The following USF3 variants were observed in gnomAD, a reference collection of about 807,000 sequenced individuals.
USF3 encodes basic helix-loop-helix domain-containing protein USF3.
USF3 carries 29 observed loss-of-function variants against 157.5 expected under a neutral mutation model. That is an observed-to-expected ratio of 0.18 (90% CI 0.14 to 0.25). The LOEUF (loss-of-function observed/expected upper bound fraction) is 0.25. Among genes scored for constraint, USF3 ranks in the 10% least tolerant of loss-of-function variants. The pLI, the probability that USF3 is intolerant of heterozygous loss-of-function variation, is 1.00. For missense variants in USF3, 2,381 were observed against 2,667.6 expected (o/e 0.89, Z 2.37); for synonymous variants, 893 against 941.4 (o/e 0.95, Z 0.94).
In USF3 at chr3:113,658,582, C is replaced by A; in HGVS notation, c.3100G>T (p.Glu1034Ter). The A allele has an allele frequency of 6.2e-7, 1 of 1,613,420 alleles. No homozygotes were observed. Among genetic ancestry groups the A allele is most frequent in the Non-Finnish European group, 8.5e-7 (1 of 1,179,906 alleles). The change falls in exon 7 of 7, where the codon GAA (glutamate) becomes TAA (stop). Residue 1034 changes from glutamate (E) to a stop codon, truncating the protein, a stop_gained. Transcript: ENST00000316407. LOFTEE classifies it high-confidence loss of function. ...CTTGAATCAACTATTTTAGGATTTT[C>A]TGAAGAAAAGTCAGGATGATCCATC... ...DQMDHPDFSS[E>*]NPKIVDSSVN...
At chr3:113,685,112 G>C (rs552110862) in intron 1 of USF3, among the ~76,000 whole-genome samples, 2 of 152,288 alleles carry the variant, frequency 1.3e-5, no homozygotes, top group Non-Finnish European at 2.9e-5. Context: ...CTTTTGCAGA[G>C]GTACCACTTT....
intron 2 of USF3, among the ~76,000 whole-genome samples, chr3:113,676,944 T>A (rs1707295962): frequency 6.6e-6 from 1 of 152,194 alleles, no homozygotes; most frequent in African/African-American, 2.4e-5. Flanking sequence ...CAAGACCACG[T>A]TACCTAGTAG....
Position 113,656,743 on chromosome 3 carries a change from C to T in USF3, c.4939G>A (p.Val1647Met). Reference protein sequence around the residue: ...EQQMVSQPSIVTRSSDMTCTP... With the variant: ...EQQMVSQPSIMTRSSDMTCTP... Reference sequence around the variant, plus strand: ...CAGGTCATGTCTGAAGATCTAGTCACAATACTTGGTTGGGACACCATTTGC... The same window carrying T: ...CAGGTCATGTCTGAAGATCTAGTCATAATACTTGGTTGGGACACCATTTGC... The change falls in exon 7 of 7, where the codon GTG (valine) becomes ATG (methionine). Residue 1647 changes from valine (V) to methionine (M), a missense_variant. Val to Met is a conservative substitution (Grantham distance 21). Coordinates refer to ENST00000316407, the MANE Select transcript of USF3 (RefSeq NM_001009899.4). 6.2e-7 allele frequency: 1 copy of T among 1,614,182 alleles called. No homozygotes were observed. Among genetic ancestry groups the T allele is most frequent in the Admixed American group, 1.7e-5 (1 of 60,032 alleles).
intron 1 of USF3, among the ~76,000 whole-genome samples, chr3:113,690,509 AC>A (rs1415377263): frequency 6.6e-6 from 1 of 152,132 alleles, no homozygotes; most frequent in Non-Finnish European, 1.5e-5. Flanking sequence ...GGTCTCACCT[AC>A]CCCCTTCCAC....
Position 113,655,425 on chromosome 3 carries a change from T to G in USF3, c.6257A>C (p.Gln2086Pro). ...TCGAGTGGCACTAGGCTGAGTAACC[T>G]GTGGAATGAAAGAAGCATTAGCATT... ...PINANASFIPQVTQPSATRTP... is the reference protein window; with the variant it reads ...PINANASFIPPVTQPSATRTP... Residue 2086 changes from glutamine to proline, a missense_variant, in exon 7 of 7, where the codon CAG becomes CCG. Gln to Pro is a moderately conservative substitution (Grantham distance 76, BLOSUM62 -1). Transcript: ENST00000316407. 6.2e-7 allele frequency: 1 copy of G among 1,614,176 alleles called. No individual in the cohort carries two copies. Among genetic ancestry groups the G allele is most frequent in the Non-Finnish European group, 8.5e-7 (1 of 1,180,022 alleles).
chr3:113,659,408 T>C lies in USF3; in HGVS notation c.2274A>G (p.Ala758=). 1 of 1,614,220 alleles carries C rather than the reference T, an allele frequency of 6.2e-7. No individual in the cohort carries two copies. The highest frequency in any genetic ancestry group is 8.5e-7 in the Non-Finnish European group (1 of 1,180,036). ...ANCVSLTTTA[A]PPVTTDSSAT... ...CTGAACTATCTGTTGTCACAGGAGG[T>C]GCTGCAGTTGTTGTTAATGAAACAC... Residue 758 remains alanine, a synonymous_variant, in exon 7 of 7, where the codon GCA becomes GCG. Coordinates refer to ENST00000316407, the MANE Select transcript of USF3 (RefSeq NM_001009899.4).
chr3:113,672,001 G>A (rs1327877666), intron 4 of USF3, among the ~76,000 whole-genome samples: 1 of 151,574 alleles, frequency 6.6e-6, no homozygotes, highest in African/African-American at 2.4e-5. Flanking sequence ...GAACTCCTGG[G>A]CTCAAAATAT....
Position 113,661,329 on chromosome 3 carries a change from T to C in USF3, c.353A>G (p.Tyr118Cys). Residue 118 changes from tyrosine (Y) to cysteine (C), a missense_variant, in exon 7 of 7, where the codon TAT (tyrosine) becomes TGT (cysteine). Around this residue, in one of 6 missense-constraint regions of USF3, gnomAD observed 105 missense variants for 158.6 expected, o/e 0.66. Coordinates refer to ENST00000316407, the MANE Select transcript of USF3 (RefSeq NM_001009899.4). ...TTTCCAGTGAATTGTCGGGTCATCA[T>C]ATAAGCATATGTCATTAGCTTTCAG... ...ELLKANDICL[Y>C]DDPTIHWKGN... is the part of the protein sequence containing the mutation. 2 of 1,613,746 alleles carry C rather than the reference T, an allele frequency of 1.2e-6. No individual in the cohort carries two copies. The highest frequency in any genetic ancestry group is 1.7e-6 in the Non-Finnish European group (2 of 1,179,644).
chr3:113,674,775 A>G, intron 3 of USF3, 57 bp downstream of exon 3: 1 of 1,412,600 alleles, frequency 7.1e-7, no homozygotes, highest in East Asian at 2.3e-5. Context: ...CAAAATAGGA[A>G]CTAATTCTGC....
chr3:113,676,329 A>C (rs1325102803), intron 2 of USF3, among the ~76,000 whole-genome samples: 2 of 152,220 alleles, frequency 1.3e-5, no homozygotes, highest in Non-Finnish European at 2.9e-5. Flanking sequence ...TAATTTACAA[A>C]GGAAAGAAGT....
chr3:113,664,926 C>T (rs1947540444), intron 5 of USF3, among the ~76,000 whole-genome samples: 1 of 152,138 alleles, frequency 6.6e-6, no homozygotes, highest in Admixed American at 6.6e-5. Flanking sequence ...GAGGACATAA[C>T]TAGGAAGTGG....
intron 1 of USF3, among the ~76,000 whole-genome samples, chr3:113,684,086 T>C (rs1453621801): frequency 1.3e-5 from 2 of 152,238 alleles, no homozygotes; most frequent in Non-Finnish European, 2.9e-5. Flanking sequence ...GAAAGTCTTT[T>C]TTTCCTCTTG....
In USF3 at chr3:113,655,126, A is replaced by G. The variant is rs752556507; in HGVS notation, c.6556T>C (p.Ser2186Pro). The G allele has an allele frequency of 7.4e-6, 12 of 1,614,082 alleles. No individual in the cohort carries two copies. Among genetic ancestry groups the G allele is most frequent in the South Asian group, 5.5e-5 (5 of 91,090 alleles). Residue 2186 changes from serine (S) to proline (P), a missense_variant, in exon 7 of 7, where the codon TCC becomes CCC. Around this residue, in one of 6 missense-constraint regions of USF3, gnomAD observed 770 missense variants for 824.2 expected, o/e 0.93. Transcript: ENST00000316407. ...PPMHMTNSHL[S>P]NFNMTSLFPE... is the part of the protein sequence containing the mutation. ...AACAAAGATGTCATATTAAAATTGGATAAGTGAGAGTTGGTCATGTGCATT... is the reference window on the plus strand; with the variant it reads ...AACAAAGATGTCATATTAAAATTGGGTAAGTGAGAGTTGGTCATGTGCATT...
intron 1 of USF3, among the ~76,000 whole-genome samples, chr3:113,689,004 C>G (rs1707623479): frequency 6.6e-6 from 1 of 151,616 alleles, no homozygotes; most frequent in African/African-American, 2.4e-5. Context: ...GCACTCAAGC[C>G]TGGGCAACAG....
chr3:113,665,956 G>A (rs1374620033), intron 5 of USF3, among the ~76,000 whole-genome samples: 1 of 152,052 alleles, frequency 6.6e-6, no homozygotes, highest in African/African-American at 2.4e-5. Context: ...AAGCCGAGGT[G>A]GGCAGATCAC....
intron 3 of USF3, among the ~76,000 whole-genome samples, chr3:113,673,584 A>G (rs1013807792): frequency 8.5e-5 from 13 of 152,230 alleles, no homozygotes; most frequent in Non-Finnish European, 2.9e-5. Flanking sequence ...AGAAACCACA[A>G]TTTCTGGAGG....
intron 1 of USF3, among the ~76,000 whole-genome samples, chr3:113,677,921 A>G (rs553575552): frequency 3.3e-5 from 5 of 152,062 alleles, no homozygotes; most frequent in Non-Finnish European, 5.9e-5. Context: ...CAAACATGAC[A>G]AATGAGAGGT....
In USF3 at chr3:113,660,275, G is replaced by A; in HGVS notation, c.1407C>T (p.Asn469=). The A allele has an allele frequency of 2.5e-6, 4 of 1,614,190 alleles. No individual in the cohort carries two copies. The highest frequency in any genetic ancestry group is 3.4e-6 in the Non-Finnish European group (4 of 1,179,996). The change falls in exon 7 of 7, where the codon AAC becomes AAT. Residue 469 remains asparagine (N), a synonymous_variant. Coordinates refer to ENST00000316407, the MANE Select transcript of USF3 (RefSeq NM_001009899.4). Reference sequence around the variant, plus strand: ...TGTCTGTAGCCACATATCTACTGTGGTTGCTTGTGGTGGGGCTAGTACCAG... The same window carrying A: ...TGTCTGTAGCCACATATCTACTGTGATTGCTTGTGGTGGGGCTAGTACCAG... The part of the protein sequence containing the change: ...NESGTSPTTS[N]HSRYVATDIN...
At chr3:113,691,442 G>A (rs1331673807) in intron 1 of USF3, among the ~76,000 whole-genome samples, 2 of 152,128 alleles carry the variant, frequency 1.3e-5, no homozygotes, top group Non-Finnish European at 2.9e-5. Context: ...TGCCAAATCC[G>A]ATGAACTTTG....
Sources: gnomAD v4.1 joint callset for allele counts (sites outside exome capture counted in the v4.1 genomes callset) on GRCh38, gnomAD v4.1.1 for gene constraint, gnomAD v4.1.1 regional missense constraint, MANE v1.5 for transcripts, NCBI Gene and HGNC (gene_info 2026-07-23, HGNC 2026-07-21) for gene names.